VPS13B: variants seen among roughly 807,000 people sequenced by gnomAD.
The protein encoded by VPS13B is vacuolar protein sorting 13 homolog B.
A neutral mutation model predicts 426.4 loss-of-function variants in VPS13B; 285 were observed. The observed-to-expected ratio is 0.67, with a 90% CI of 0.61 to 0.74. The LOEUF (loss-of-function observed/expected upper bound fraction) is 0.74, where lower values mean the gene tolerates loss of function less well. VPS13B is among the 30% of genes least tolerant of loss of function. The pLI, the probability that VPS13B is intolerant of heterozygous loss-of-function variation, is 0.00. For missense variants in VPS13B, 4,537 were observed against 4,782.6 expected (o/e 0.95, Z 1.51); for synonymous variants, 1,676 against 1,676.4 (o/e 1.00, Z 0.01).
chr8:99,110,223 C>G (rs1329903203), intron 5 of VPS13B, among the ~76,000 whole-genome samples: 1 of 151,984 alleles, frequency 6.6e-6, no homozygotes, highest in Non-Finnish European at 1.5e-5. Flanking sequence ...GTGTTATAAC[C>G]TGAACTAAAA....
intron 19 of VPS13B, among the ~76,000 whole-genome samples, chr8:99,383,501 A>G (rs985559190): frequency 1.3e-5 from 2 of 152,096 alleles, no homozygotes; most frequent in South Asian, 2.1e-4. Flanking sequence ...TTTCTATACA[A>G]TTATTTTATA....
rs114798824 is a variant in VPS13B at position 99,686,813 on chromosome 8, G to A, written c.6047-12712G>A. Among the ~76,000 whole-genome samples the A allele has an allele frequency of 1.7e-3, 257 of 152,158 alleles. 3 individuals carry two copies. The highest frequency in any genetic ancestry group is 6.1e-3 in the African/African-American group (252 of 41,444). On this transcript the variant is annotated intron_variant, in intron 35 of 61. Coordinates refer to ENST00000357162, the MANE Select transcript of VPS13B (RefSeq NM_152564.5). ...AAATGCCATCCAAGAACCAAGGCCT[G>A]GAATTGGGAATCCCAAGAACCCACT...
At chr8:99,135,212 A>G in intron 10 of VPS13B, 75 bp downstream of exon 10, 2 of 1,580,518 alleles carry the variant, frequency 1.3e-6, no homozygotes, top group Admixed American at 1.7e-5. Flanking sequence ...GTTTAACCAT[A>G]TAATATCTGT....
At chr8:99,800,826 G>A (rs1358777326) in intron 43 of VPS13B, among the ~76,000 whole-genome samples, 2 of 152,042 alleles carry the variant, frequency 1.3e-5, no homozygotes, top group African/African-American at 4.8e-5. Flanking sequence ...ATAGTTATTT[G>A]TGAAAAATAA....
rs536177673 is a variant in VPS13B at position 99,039,647 on chromosome 8, A to G, written c.291+1081A>G. 3.9e-5 allele frequency among the ~76,000 whole-genome samples: 6 copies of G among 152,052 alleles called. No individual in the cohort carries two copies. The South Asian group carries it at 1.2e-3, about 32-fold the overall frequency. ...ATAAGTATTATTAAAATGACTTCAT[A>G]TGAATCTGTAAGTTTAACGTATTCT... is the stretch of plus-strand genomic sequence containing the variant. On this transcript the variant is annotated intron_variant, in intron 3 of 61. Coordinates refer to ENST00000357162, the MANE Select transcript of VPS13B (RefSeq NM_152564.5).
chr8:99,150,830 A>G (rs958767349), intron 14 of VPS13B, among the ~76,000 whole-genome samples: 10 of 152,326 alleles, frequency 6.6e-5, no homozygotes, highest in Middle Eastern at 3.4e-3. Flanking sequence ...GTTGTGAGTA[A>G]AACAGGCATA....
intron 3 of VPS13B, among the ~76,000 whole-genome samples, chr8:99,058,743 A>G (rs1422243351): frequency 6.6e-6 from 1 of 152,214 alleles, no homozygotes; most frequent in Non-Finnish European, 1.5e-5. Flanking sequence ...CCCAGATGGA[A>G]CTAAGTCATT....
At chr8:99,233,598 CA>C in intron 17 of VPS13B, 1 of 1,209,496 alleles carries the variant, frequency 8.3e-7, no homozygotes, top group Non-Finnish European at 1.2e-6. Flanking sequence ...ATATCATTTT[CA>C]AAGGCCTCAC....
At chr8:99,298,109 A>G (rs1820142410) in intron 19 of VPS13B, among the ~76,000 whole-genome samples, 1 of 152,222 alleles carries the variant, frequency 6.6e-6, no homozygotes. Context: ...TATTAGTGCT[A>G]AATAAGTTTA....
chr8:99,382,686 G>A (rs1296875521), intron 19 of VPS13B, among the ~76,000 whole-genome samples: 1 of 152,188 alleles, frequency 6.6e-6, no homozygotes, highest in Non-Finnish European at 1.5e-5. Flanking sequence ...AGACTTCACT[G>A]AAGTTCCTTA....
At chr8:99,473,147 TGGTTTTA>T (rs1819500671) in intron 24 of VPS13B, among the ~76,000 whole-genome samples, 1 of 152,024 alleles carries the variant, frequency 6.6e-6, no homozygotes, top group South Asian at 2.1e-4. Flanking sequence ...CCTGCCCAAC[TGGTTTTA>T]TGAAGCTAGC....
intron 14 of VPS13B, among the ~76,000 whole-genome samples, chr8:99,150,632 A>G (rs2132606938): frequency 6.6e-6 from 1 of 152,286 alleles, no homozygotes; most frequent in South Asian, 2.1e-4. Flanking sequence ...TTGGAATCAT[A>G]TAGTATGTAG....
intron 19 of VPS13B, among the ~76,000 whole-genome samples, chr8:99,284,433 GAGTA>G (rs953290073): frequency 4.7e-4 from 71 of 152,266 alleles, no homozygotes; most frequent in African/African-American, 1.6e-3. Flanking sequence ...TTCTAATGAG[GAGTA>G]AGCATATAAA....
At chr8:99,547,204 G>A (rs1824030585) in intron 30 of VPS13B, among the ~76,000 whole-genome samples, 1 of 151,946 alleles carries the variant, frequency 6.6e-6, no homozygotes, top group South Asian at 2.1e-4. Flanking sequence ...CTAAAGATGG[G>A]AGCTGAATAT....
At chr8:99,277,910 C>G (rs977459779) in intron 19 of VPS13B, among the ~76,000 whole-genome samples, 1 of 152,118 alleles carries the variant, frequency 6.6e-6, no homozygotes, top group African/African-American at 2.4e-5. Context: ...CTGATGATTA[C>G]ATTTACTTTT....
rs142930948 is a variant in VPS13B at position 99,168,619 on chromosome 8, C to A, written c.2209-1420C>A. On this transcript the variant is annotated intron_variant, in intron 15 of 61. Transcript: ENST00000357162. ...AAGAAATCCTGAAATTGTACAGAAA[C>A]CAACGCAGTACTTTGCATACATTAT... is the stretch of plus-strand genomic sequence containing the variant. Among the ~76,000 whole-genome samples, 292 of 152,086 alleles carry A rather than the reference C, an allele frequency of 1.9e-3. 1 individual carries two copies. The highest frequency in any genetic ancestry group is 3.2e-3 in the Non-Finnish European group (215 of 67,880).
intron 2 of VPS13B, among the ~76,000 whole-genome samples, chr8:99,029,459 G>A (rs1193829292): frequency 1.3e-5 from 2 of 151,988 alleles, no homozygotes; most frequent in Non-Finnish European, 2.9e-5. Context: ...CCGAGATCAC[G>A]CCACTGCACT....
At chr8:99,079,953 T>TA (rs887833893) in intron 3 of VPS13B, among the ~76,000 whole-genome samples, 8 of 151,534 alleles carry the variant, frequency 5.3e-5, no homozygotes, top group African/African-American at 1.7e-4. Flanking sequence ...GTTTTCATTT[T>TA]AAAAAAATTG....
At chr8:99,672,043 G>A (rs1198517263) in intron 35 of VPS13B, among the ~76,000 whole-genome samples, 2 of 152,116 alleles carry the variant, frequency 1.3e-5, no homozygotes, top group African/African-American at 2.4e-5. Context: ...ATTTTTTGAA[G>A]TCAGACAGTG....
Sources: gnomAD v4.1 joint callset for allele counts (sites outside exome capture counted in the v4.1 genomes callset) on GRCh38, gnomAD v4.1.1 for gene constraint, MANE v1.5 for transcripts, NCBI Gene and HGNC (gene_info 2026-07-23, HGNC 2026-07-21) for gene names.